RELB: variants seen among roughly 807,000 people sequenced by gnomAD.
The protein encoded by RELB is RELB proto-oncogene, NF-kB subunit.
RELB carries 14 observed loss-of-function variants against 55.4 expected under a neutral mutation model. That is an observed-to-expected ratio of 0.25 (90% CI 0.17 to 0.40). The LOEUF is 0.40. RELB is among the 10% of genes least tolerant of loss of function. RELB has a pLI of 1.00. For missense variants in RELB, 669 were observed against 830.7 expected, an observed-to-expected ratio of 0.81 and a Z score of 2.39; for synonymous variants, 409 against 371.3, an observed-to-expected ratio of 1.10 and a Z score of -1.17.
chr19:45,037,625 T>A lies in RELB; in HGVS notation c.1575T>A (p.Val525=). 6.2e-7 allele frequency: 1 copy of A among 1,602,444 alleles called. No homozygotes were observed. Among genetic ancestry groups the A allele is most frequent in the Non-Finnish European group, 8.5e-7 (1 of 1,175,282 alleles). Residue 525 remains valine (V), a synonymous_variant, in exon 12 of 12, where the codon GTT becomes GTA. Coordinates refer to ENST00000221452, the MANE Select transcript of RELB (RefSeq NM_006509.4). The part of the protein sequence containing the change: ...VVCSGGAGAV[V]GETPGPEPLT... ...GCAGCGGAGGTGCCGGGGCCGTGGT[T>A]GGGGAGACCCCCGGCCCTGAACCAC...
chr19:45,019,355 C>T (rs910895008), intron 4 of RELB, among the ~76,000 whole-genome samples: 4 of 152,090 alleles, frequency 2.6e-5, no homozygotes, highest in Non-Finnish European at 5.9e-5. Flanking sequence ...TGAGCCACCA[C>T]GCCTGGCCGA....
At position 45,032,526 on chromosome 19, in the gene RELB, C is replaced by T. The variant is rs1292046096; in HGVS notation, c.992-8C>T. ...CTGGCTTAGCTGATGTCCCCCGTTT[C>T]CTGCCAGAGGACATATCAGTGGTGT... is the stretch of plus-strand genomic sequence containing the variant. On this transcript the variant is annotated splice_polypyrimidine_tract_variant and splice_region_variant and intron_variant, in intron 8 of 11. Coordinates refer to ENST00000221452, the MANE Select transcript of RELB (RefSeq NM_006509.4). The T allele has an allele frequency of 1.2e-6, 2 of 1,607,516 alleles. No homozygotes were observed. Among genetic ancestry groups the T allele is most frequent in the Non-Finnish European group, 1.7e-6 (2 of 1,176,198 alleles).
intron 2 of RELB, among the ~76,000 whole-genome samples, chr19:45,006,405 C>T (rs989869270): frequency 4.6e-5 from 7 of 151,790 alleles, no homozygotes; most frequent in Admixed American, 2.0e-4. Context: ...GGTTTCACCA[C>T]GTTGGCCAGG....
At chr19:45,009,889 GCCTTC>G in intron 3 of RELB, 67 bp downstream of exon 3, 4 of 541,586 alleles carry the variant, frequency 7.4e-6, no homozygotes, top group South Asian at 2.8e-5. Context: ...GGGGGTCTTG[GCCTTC>G]CTTGTTCAGT....
chr19:45,034,580 G>A, intron 11 of RELB, 52 bp downstream of exon 11: 2 of 1,500,366 alleles, frequency 1.3e-6, no homozygotes, highest in Non-Finnish European at 1.8e-6. Flanking sequence ...CAGAGGGTAA[G>A]TGGCAGCCCT....
At position 45,037,841 on chromosome 19, in the gene RELB, C is replaced by T. The variant is rs931698640; in HGVS notation, c.*51C>T. On this transcript the variant is annotated 3_prime_UTR_variant, in exon 12 of 12. Transcript: ENST00000221452. ...TGGGTGGGGAGGGAGGTGGAGGAGC[C>T]GTGCAATCCCAACCAGGATGTCTAG... 10 of 1,454,434 alleles carry T rather than the reference C, an allele frequency of 6.9e-6. No homozygotes were observed. In the African/African-American group the frequency reaches 1.2e-4, roughly 17 times the overall value. 90.1% of individuals were successfully genotyped at this position (1,454,434 alleles called of 1,614,324 possible).
intron 11 of RELB, 138 bp downstream of exon 11, chr19:45,034,666 T>G: frequency 1.5e-6 from 1 of 670,380 alleles, no homozygotes; most frequent in Admixed American, 2.8e-5. Flanking sequence ...CAACATAGAG[T>G]AGAAAGAATG....
At chr19:45,007,998 T>TA (rs1971303279) in intron 2 of RELB, among the ~76,000 whole-genome samples, 1 of 15,022 alleles carries the variant, frequency 6.7e-5, no homozygotes, top group African/African-American at 2.6e-4. Context: ...CTGCTAAAAA[T>TA]ACAAAAAAAA....
chr19:45,012,463 G>C (rs1378059106), intron 4 of RELB, among the ~76,000 whole-genome samples, 187 bp downstream of exon 4: 1 of 152,204 alleles, frequency 6.6e-6, no homozygotes, highest in Non-Finnish European at 1.5e-5. Flanking sequence ...CGGACATTTG[G>C]CTGGGCACGG....
At chr19:45,029,682 C>G (rs753726889) in intron 8 of RELB, among the ~76,000 whole-genome samples, 31 of 151,966 alleles carry the variant, frequency 2.0e-4, no homozygotes, top group Non-Finnish European at 3.2e-4. Flanking sequence ...AACCCCATCT[C>G]TACTAAAAAA....
rs182286104 is a variant in RELB at position 45,002,989 on chromosome 19, G to A, written c.147G>A (p.Arg49=). ...DLSSLSLAVS[R]STDELEIIDE... is the part of the protein sequence containing the mutation. The stretch of plus-strand genomic sequence containing the variant: ...CCTCACTCTCGCTCGCCGTTTCCAG[G>A]AGCACAGGTGAGCAGCCCTCCACAG... Residue 49 remains arginine, a synonymous_variant, in exon 2 of 12, where the codon AGG becomes AGA. Transcript: ENST00000221452. 169 of 1,612,872 alleles carry A rather than the reference G, an allele frequency of 1.0e-4. No individual in the cohort carries two copies. Among genetic ancestry groups the A allele is most frequent in the Admixed American group, 2.8e-4 (17 of 59,882 alleles).
At chr19:45,023,875 C>T (rs1213402414) in intron 5 of RELB, among the ~76,000 whole-genome samples, 1 of 150,952 alleles carries the variant, frequency 6.6e-6, no homozygotes, top group Non-Finnish European at 1.5e-5. Context: ...CTCAGCCTCC[C>T]AGGTAGCTGG....
rs1971364597 is a variant in RELB, at chr19:45,011,976, G to C, written c.204G>C (p.Leu68=). 3 of 1,569,070 alleles carry C rather than the reference G, an allele frequency of 1.9e-6. No homozygotes were observed. The highest frequency in any genetic ancestry group is 2.6e-6 in the Non-Finnish European group (3 of 1,163,356). Residue 68 remains leucine, a synonymous_variant, in exon 4 of 12, where the codon CTG becomes CTC. Transcript: ENST00000221452. ...ACATCAAGGAGAACGGCTTCGGCCT[G>C]GACGGGGGACAGCCGGGCCCGGGCG... is the stretch of plus-strand genomic sequence containing the variant. ...DEYIKENGFG[L]DGGQPGPGEG... is the part of the protein sequence containing the mutation.
chr19:45,003,441 C>T (rs562937643), intron 2 of RELB: 7 of 449,190 alleles, frequency 1.6e-5, no homozygotes, highest in African/African-American at 1.1e-4. Flanking sequence ...CACCACTGCA[C>T]TCCAGCCTGG....
intron 5 of RELB, 67 bp downstream of exon 5, chr19:45,022,277 C>T (rs1971499388): frequency 3.4e-6 from 5 of 1,465,226 alleles, no homozygotes; most frequent in Non-Finnish European, 9.1e-7. Context: ...TGGAGGCCAC[C>T]CATGAAACTT....
chr19:45,003,712 C>A (rs1971243731), intron 2 of RELB: 2 of 466,134 alleles, frequency 4.3e-6, no homozygotes, highest in South Asian at 3.1e-5. Flanking sequence ...AATAACAGTG[C>A]CTCTCTTTCA....
At position 45,001,551 on chromosome 19, in the gene RELB, C is replaced by T; in HGVS notation, c.-29C>T. ...ACCCGCGATCGTCCACCAGACCGTGCCTCCCGGCCGCCCGGCCGGCCCGCG... is the reference window on the plus strand; with the variant it reads ...ACCCGCGATCGTCCACCAGACCGTGTCTCCCGGCCGCCCGGCCGGCCCGCG... On this transcript the variant is annotated 5_prime_UTR_variant, in exon 1 of 12. Coordinates refer to ENST00000221452, the MANE Select transcript of RELB (RefSeq NM_006509.4). 3 of 1,353,838 alleles carry T rather than the reference C, an allele frequency of 2.2e-6. No homozygotes were observed. The highest frequency in any genetic ancestry group is 2.9e-6 in the Non-Finnish European group (3 of 1,029,340). 83.9% of individuals were successfully genotyped at this position (1,353,838 alleles called of 1,614,324 possible). A position where few individuals can be genotyped will look rare whatever the true frequency, so the allele number is the denominator to read the frequency against.
intron 4 of RELB, among the ~76,000 whole-genome samples, chr19:45,018,975 T>C (rs1568400555): frequency 6.6e-6 from 1 of 152,118 alleles, no homozygotes; most frequent in Non-Finnish European, 1.5e-5. Context: ...GTGCCTTTCA[T>C]CTATATTCAC....
At chr19:45,031,231 G>A (rs73938300) in intron 8 of RELB, among the ~76,000 whole-genome samples, 1,642 of 151,990 alleles carry the variant, frequency 0.011, 25 homozygotes, top group African/African-American at 0.038. Flanking sequence ...TAAGAACCAG[G>A]CTCTCGCTCT....
Sources: allele counts gnomAD v4.1 joint callset (sites outside exome capture counted in the v4.1 genomes callset), GRCh38; gene constraint gnomAD v4.1.1; transcripts MANE v1.5; gene names NCBI Gene and HGNC (gene_info 2026-07-23, HGNC 2026-07-21).